Variants in SPTLC1 observed in about 807,000 individuals in gnomAD.
SPTLC1 encodes the protein serine palmitoyltransferase 1.
A neutral mutation model predicts 68.9 loss-of-function variants in SPTLC1; 55 were observed. The observed-to-expected ratio is 0.80, with a 90% CI of 0.64 to 1.00. The LOEUF is 1.00. Among genes scored for constraint, SPTLC1 ranks in the 50% least tolerant of loss-of-function variants. The probability of loss-of-function intolerance (pLI) is 0.00; values close to 1 mark genes in which losing one functional copy is unlikely to be tolerated. For synonymous variants in SPTLC1, 197 were observed against 201.6 expected (o/e 0.98, Z 0.19); for missense variants, 449 against 573.1 (o/e 0.78, Z 2.21).
rs766476735 is a variant in SPTLC1, at chr9:92,047,689, A to G, written c.908T>C (p.Ile303Thr). 1.9e-6 allele frequency: 3 copies of G among 1,612,424 alleles called. No individual in the cohort carries two copies. The highest frequency in any genetic ancestry group is 2.5e-6 in the Non-Finnish European group (3 of 1,178,632). ...AAGTGCATTCTCCATGTTGGCACTG[A>G]TAAGATCAATATCATCAATCTGCCG... ...YGINIDDIDL[I>T]SANMENALAS... Residue 303 changes from isoleucine (I) to threonine (T), a missense_variant, in exon 10 of 15, where the codon ATC becomes ACC. By Grantham distance (89) the Ile-to-Thr change is moderately conservative (BLOSUM62 -1). Around this residue, in one of 3 missense-constraint regions of SPTLC1, gnomAD observed 391 missense variants for 472.1 expected, o/e 0.83. Transcript: ENST00000262554.
chr9:92,083,393 A>C (rs1834972799), intron 3 of SPTLC1, among the ~76,000 whole-genome samples: 1 of 151,704 alleles, frequency 6.6e-6, no homozygotes, highest in Admixed American at 6.6e-5. Context: ...TTAAGTCTTT[A>C]ATCCATCTTG....
At position 92,059,178 on chromosome 9, in the gene SPTLC1, C is replaced by T. The variant is rs1388096991; in HGVS notation, c.690+1G>A. Reference sequence around the variant, plus strand: ...TATAATTTTCTTCAAAAGAATCATACCTTTTGATCTTCGATCTCTTGTTCT... The same window carrying T: ...TATAATTTTCTTCAAAAGAATCATATCTTTTGATCTTCGATCTCTTGTTCT... On this transcript the variant is annotated splice_donor_variant, in intron 7 of 14. Transcript: ENST00000262554. LOFTEE classifies it high-confidence loss of function. 1.9e-6 allele frequency: 3 copies of T among 1,612,332 alleles called. No homozygotes were observed. Among genetic ancestry groups the T allele is most frequent in the Non-Finnish European group, 2.5e-6 (3 of 1,179,540 alleles).
chr9:92,060,793 G>T (rs1834067712), intron 6 of SPTLC1, among the ~76,000 whole-genome samples: 1 of 150,726 alleles, frequency 6.6e-6, no homozygotes, highest in South Asian at 2.1e-4. Flanking sequence ...GGTGCCTGTA[G>T]TCCGGGTTAC....
intron 3 of SPTLC1, among the ~76,000 whole-genome samples, chr9:92,097,667 G>C (rs1041779855): frequency 1.3e-5 from 2 of 152,196 alleles, no homozygotes; most frequent in Non-Finnish European, 2.9e-5. Context: ...CTGGGCAGAG[G>C]AAGGAGTGGG....
chr9:92,104,463 A>C, intron 3 of SPTLC1: 1 of 1,404,554 alleles, frequency 7.1e-7, no homozygotes, highest in South Asian at 1.4e-5. Context: ...CGGGCACCCC[A>C]CAGAGGGTCC....
chr9:92,094,605 T>C (rs1272007854), intron 3 of SPTLC1, among the ~76,000 whole-genome samples: 1 of 152,228 alleles, frequency 6.6e-6, no homozygotes, highest in Non-Finnish European at 1.5e-5. Context: ...ATCTGACATG[T>C]TAACTGTCAC....
intron 9 of SPTLC1, among the ~76,000 whole-genome samples, chr9:92,049,482 GACAC>G (rs560639706): frequency 6.6e-6 from 1 of 151,768 alleles, no homozygotes; most frequent in Non-Finnish European, 1.5e-5. Flanking sequence ...TGGTGTTTCT[GACAC>G]ACACACACAT....
chr9:92,096,961 CTT>C (rs1835549121), intron 3 of SPTLC1, among the ~76,000 whole-genome samples: 1 of 151,824 alleles, frequency 6.6e-6, no homozygotes, highest in Non-Finnish European at 1.5e-5. Context: ...ATATAAAGAA[CTT>C]TTACAGTTTT....
At chr9:92,104,988 C>T in intron 3 of SPTLC1, 1 of 1,529,628 alleles carries the variant, frequency 6.5e-7, no homozygotes, top group South Asian at 1.2e-5. Flanking sequence ...ACAGTGCTCC[C>T]TGCCCCAGTT....
intron 3 of SPTLC1, among the ~76,000 whole-genome samples, chr9:92,089,113 A>C (rs1413742109): frequency 6.6e-6 from 1 of 152,176 alleles, no homozygotes; most frequent in Non-Finnish European, 1.5e-5. Flanking sequence ...AAAGTTACTA[A>C]GAAAAGGACA....
chr9:92,100,193 T>TA (rs1835697269), intron 3 of SPTLC1, among the ~76,000 whole-genome samples: 1 of 151,658 alleles, frequency 6.6e-6, no homozygotes, highest in Non-Finnish European at 1.5e-5. Context: ...GGCGGGCAGA[T>TA]CACCAGAGGT....
At chr9:92,061,056 A>T (rs1445611224) in intron 6 of SPTLC1, among the ~76,000 whole-genome samples, 1 of 152,206 alleles carries the variant, frequency 6.6e-6, no homozygotes, top group Non-Finnish European at 1.5e-5. Context: ...ATTCCAGAAG[A>T]AGAGAAAGAG....
intron 8 of SPTLC1, chr9:92,051,130 C>G (rs1833691489): frequency 1.0e-6 from 1 of 984,932 alleles, no homozygotes; most frequent in South Asian, 4.7e-5. Flanking sequence ...ACCATTGACA[C>G]TCTTACAAAA....
At chr9:92,078,828 C>G (rs984501625) in intron 5 of SPTLC1, among the ~76,000 whole-genome samples, 5 of 152,206 alleles carry the variant, frequency 3.3e-5, no homozygotes, top group African/African-American at 1.2e-4. Flanking sequence ...GACACTACTT[C>G]TCCTTATCTG....
chr9:92,055,119 A>T, intron 8 of SPTLC1: 1 of 613,906 alleles, frequency 1.6e-6, no homozygotes, highest in Non-Finnish European at 2.0e-6. Context: ...CAGCTAACTC[A>T]GAAAGCTAAG....
chr9:92,033,236 A>G (rs557976243), intron 14 of SPTLC1, among the ~76,000 whole-genome samples: 26 of 152,248 alleles, frequency 1.7e-4, no homozygotes, highest in Non-Finnish European at 3.5e-4. Context: ...TGCCAGGCAC[A>G]AAGCAGGAAT....
intron 8 of SPTLC1, chr9:92,050,811 A>ATTTCTTTTTTTTTTT (rs1833680688): frequency 9.5e-6 from 1 of 104,978 alleles, no homozygotes; most frequent in Non-Finnish European, 1.7e-5. Flanking sequence ...CACAATACTG[A>ATTTCTTTTTTTTTTT]TTTTTTTTTT....
chr9:92,061,377 C>T (rs1438311310), intron 6 of SPTLC1, among the ~76,000 whole-genome samples: 1 of 152,190 alleles, frequency 6.6e-6, no homozygotes, highest in Non-Finnish European at 1.5e-5. Context: ...AAATAACTGT[C>T]AACCCAGAAT....
chr9:92,090,375 A>G (rs1185162462), intron 3 of SPTLC1, among the ~76,000 whole-genome samples: 2 of 152,198 alleles, frequency 1.3e-5, no homozygotes, highest in Non-Finnish European at 2.9e-5. Flanking sequence ...TTGGGACACC[A>G]AAGCAGGGGG....
Sources: gnomAD v4.1 joint callset for allele counts (sites outside exome capture counted in the v4.1 genomes callset) on GRCh38, gnomAD v4.1.1 for gene constraint, gnomAD v4.1.1 regional missense constraint, MANE v1.5 for transcripts, NCBI Gene and HGNC (gene_info 2026-07-23, HGNC 2026-07-21) for gene names.